Variants in CHRM3 observed in about 807,000 individuals in gnomAD.
The protein encoded by CHRM3 is cholinergic receptor muscarinic 3, also known as muscarinic acetylcholine receptor M3.
In CHRM3, 11 loss-of-function variants were observed where a neutral mutation model predicts 41.8. That is an observed-to-expected ratio of 0.26 (90% CI 0.17 to 0.44). The LOEUF (loss-of-function observed/expected upper bound fraction) is 0.44. Among genes scored for constraint, CHRM3 ranks in the 20% least tolerant of loss-of-function variants. The pLI is 1.00. For synonymous variants in CHRM3, 297 were observed against 301.4 expected (o/e 0.99, Z 0.15); for missense variants, 571 against 745.4 (o/e 0.77, Z 2.72).
At chr1:239,463,998 C>T (rs751503536) in intron 1 of CHRM3, among the ~76,000 whole-genome samples, 3 of 152,086 alleles carry the variant, frequency 2.0e-5, no homozygotes, top group African/African-American at 7.2e-5. Context: ...AGTTCTCGGC[C>T]AGGCATGGTG....
intron 6 of CHRM3, among the ~76,000 whole-genome samples, chr1:239,844,446 C>T (rs1674099003): frequency 6.6e-6 from 1 of 152,072 alleles, no homozygotes; most frequent in Non-Finnish European, 1.5e-5. Context: ...ATAGCACACC[C>T]CATCTCCACA....
chr1:239,796,361 A>G (rs1366885400), intron 5 of CHRM3, among the ~76,000 whole-genome samples: 1 of 152,212 alleles, frequency 6.6e-6, no homozygotes, highest in African/African-American at 2.4e-5. Context: ...ACAGAAAAAA[A>G]TCACAGCATA....
At chr1:239,547,797 TG>T (rs1659437878) in intron 3 of CHRM3, among the ~76,000 whole-genome samples, 1 of 152,242 alleles carries the variant, frequency 6.6e-6, no homozygotes, top group East Asian at 1.9e-4. Flanking sequence ...TGATTTATTT[TG>T]TTAGATTCAG....
chr1:239,484,524 A>G (rs1418840277), intron 1 of CHRM3, among the ~76,000 whole-genome samples: 1 of 152,118 alleles, frequency 6.6e-6, no homozygotes, highest in Non-Finnish European at 1.5e-5. Context: ...CCAACAGTGT[A>G]GAACACTGTT....
At chr1:239,530,022 C>T (rs1435862578) in intron 2 of CHRM3, among the ~76,000 whole-genome samples, 1 of 151,960 alleles carries the variant, frequency 6.6e-6, no homozygotes, top group African/African-American at 2.4e-5. Flanking sequence ...CTCAGCCTCC[C>T]GAGTAGCTGG....
intron 5 of CHRM3, among the ~76,000 whole-genome samples, chr1:239,738,999 A>G (rs1376977794): frequency 6.6e-6 from 1 of 152,092 alleles, no homozygotes; most frequent in Non-Finnish European, 1.5e-5. Context: ...CATCGTCCCT[A>G]CCTGTTTCCA....
In CHRM3 at chr1:239,618,402, C is replaced by T. The variant is rs530740739; in HGVS notation, c.-312-13822C>T. Among the ~76,000 whole-genome samples the T allele has an allele frequency of 4.4e-4, 66 of 149,808 alleles. No homozygotes were observed. In the South Asian group the frequency reaches 0.013, roughly 28 times the overall value. On this transcript the variant is annotated intron_variant, in intron 3 of 6. Coordinates refer to ENST00000676153, the MANE Select transcript of CHRM3 (RefSeq NM_001375978.1). ...CAGTCATGGGTGGCCCTGTCTAGTC[C>T]GGAGAGAAGCTCAGGCCTCATCTGC...
rs181140452 is a variant in CHRM3 at position 239,759,582 on chromosome 1, T to G, written c.-146-67670T>G. On this transcript the variant is annotated intron_variant, in intron 5 of 6. Transcript: ENST00000676153. Reference sequence around the variant, plus strand: ...CTTTTTAGAAATCCAAATTTGTTCTTAAGTCTGTGTATAAAAAAAGCAAAA... The same window carrying G: ...CTTTTTAGAAATCCAAATTTGTTCTGAAGTCTGTGTATAAAAAAAGCAAAA... Among the ~76,000 whole-genome samples, 918 of 152,290 alleles carry G rather than the reference T, an allele frequency of 6.0e-3. 11 individuals are homozygous for G. The highest frequency in any genetic ancestry group is 0.021 in the African/African-American group (872 of 41,552).
At chr1:239,813,916 C>CAAAAAAAAAAAAAAAA (rs67147618) in intron 5 of CHRM3, among the ~76,000 whole-genome samples, 5 of 103,244 alleles carry the variant, frequency 4.8e-5, no homozygotes, top group African/African-American at 2.6e-4. Context: ...GACTCCGTCT[C>CAAAAAAAAAAAAAAAA]AAAAAAAAAA....
chr1:239,677,110 G>C (rs1193287098), intron 4 of CHRM3, among the ~76,000 whole-genome samples: 2 of 152,060 alleles, frequency 1.3e-5, no homozygotes, highest in East Asian at 3.9e-4. Flanking sequence ...CCCCTGCTCT[G>C]TGATGTCACC....
intron 1 of CHRM3, among the ~76,000 whole-genome samples, chr1:239,414,840 ACC>A (rs1661373801): frequency 6.6e-6 from 1 of 152,218 alleles, no homozygotes; most frequent in Admixed American, 6.5e-5. Flanking sequence ...TGGTAAAAAT[ACC>A]AATATTAGCA....
intron 1 of CHRM3, among the ~76,000 whole-genome samples, chr1:239,457,162 C>G (rs749433539): frequency 6.6e-6 from 1 of 152,116 alleles, no homozygotes; most frequent in Non-Finnish European, 1.5e-5. Flanking sequence ...CCCTATTGGC[C>G]CCTTTCTTTG....
chr1:239,672,776 G>A (rs1674509698), intron 4 of CHRM3, among the ~76,000 whole-genome samples: 1 of 151,990 alleles, frequency 6.6e-6, no homozygotes, highest in South Asian at 2.1e-4. Flanking sequence ...GAGGGGCAAG[G>A]GTTTGTGAAT....
chr1:239,808,980 C>T (rs1032550860), intron 5 of CHRM3, among the ~76,000 whole-genome samples: 1 of 150,928 alleles, frequency 6.6e-6, no homozygotes, highest in Non-Finnish European at 1.5e-5. Flanking sequence ...TGATATTTCC[C>T]TCACCCTGTC....
chr1:239,535,328 A>G (rs1460500420), intron 2 of CHRM3, among the ~76,000 whole-genome samples: 1 of 151,940 alleles, frequency 6.6e-6, no homozygotes, highest in Non-Finnish European at 1.5e-5. Context: ...CTCATACCTA[A>G]CGCAAAAACC....
chr1:239,421,767 T>A (rs1249497120), intron 1 of CHRM3, among the ~76,000 whole-genome samples: 2 of 152,182 alleles, frequency 1.3e-5, no homozygotes, highest in Non-Finnish European at 2.9e-5. Flanking sequence ...ACTGTATTCC[T>A]CATCTCTCTA....
intron 3 of CHRM3, among the ~76,000 whole-genome samples, chr1:239,611,718 C>T (rs1485277828): frequency 2.6e-5 from 4 of 152,028 alleles, no homozygotes; most frequent in East Asian, 1.9e-4. Flanking sequence ...CGCACCCAGC[C>T]GCAAGTGACA....
At chr1:239,627,828 G>C (rs1280488311) in intron 3 of CHRM3, among the ~76,000 whole-genome samples, 1 of 150,520 alleles carries the variant, frequency 6.6e-6, no homozygotes, top group Non-Finnish European at 1.5e-5. Context: ...TTGAATATTG[G>C]CCCCCACTCT....
At chr1:239,888,327 C>T (rs1006211391) in intron 6 of CHRM3, among the ~76,000 whole-genome samples, 8 of 149,822 alleles carry the variant, frequency 5.3e-5, no homozygotes. Flanking sequence ...ATGATTGCAC[C>T]ACTGCATTCC....
Sources: allele counts gnomAD v4.1 joint callset (sites outside exome capture counted in the v4.1 genomes callset), GRCh38; gene constraint gnomAD v4.1.1; transcripts MANE v1.5; gene names NCBI Gene and HGNC (gene_info 2026-07-23, HGNC 2026-07-21).